Variants in PSD3 observed in about 807,000 individuals in gnomAD.
PSD3 encodes the protein PH and SEC7 domain-containing protein 3.
A neutral mutation model predicts 105.5 loss-of-function variants in PSD3; 49 were observed. That is an observed-to-expected ratio of 0.46 (90% CI 0.37 to 0.59). The LOEUF (loss-of-function observed/expected upper bound fraction) is 0.59. PSD3 is among the 20% of genes least tolerant of loss of function. PSD3 has a pLI of 0.00. For synonymous variants in PSD3, 557 were observed against 457.8 expected (o/e 1.22, Z -2.77); for missense variants, 1,561 against 1,263.8 (o/e 1.24, Z -3.57).
At chr8:18,798,094 T>C (rs1324944862) in intron 8 of PSD3, among the ~76,000 whole-genome samples, 1 of 152,184 alleles carries the variant, frequency 6.6e-6, no homozygotes, top group Non-Finnish European at 1.5e-5. Flanking sequence ...TTTAACAAGC[T>C]GGATGAACAT....
At chr8:18,821,321 G>C (rs78116165) in intron 4 of PSD3, among the ~76,000 whole-genome samples, 1,609 of 151,990 alleles carry the variant, frequency 0.011, 6 homozygotes, top group Non-Finnish European at 0.018. Flanking sequence ...TATTTTGTAA[G>C]CACTGCTATT....
chr8:18,602,992 G>A lies in PSD3; in HGVS notation c.2411-2558C>T, dbSNP rs150176087. Among the ~76,000 whole-genome samples, 42 of 152,344 alleles carry A rather than the reference G, an allele frequency of 2.8e-4. No homozygotes were observed. The East Asian group carries it at 7.1e-3, about 26-fold the overall frequency. On this transcript the variant is annotated intron_variant, in intron 11 of 15. Transcript: ENST00000327040. ...CACATAATGAACTTGATGAGAGGAAGAGTGAAAAGATTACTGACAGGAAAC... is the reference window on the plus strand; with the variant it reads ...CACATAATGAACTTGATGAGAGGAAAAGTGAAAAGATTACTGACAGGAAAC...
chr8:18,636,237 G>T (rs923255899), intron 10 of PSD3, among the ~76,000 whole-genome samples: 1 of 151,830 alleles, frequency 6.6e-6, no homozygotes, highest in African/African-American at 2.4e-5. Context: ...AAACTCTTAG[G>T]CTATAAAGTC....
chr8:19,063,433 G>C (rs1430758014), intron 1 of PSD3, among the ~76,000 whole-genome samples: 1 of 152,172 alleles, frequency 6.6e-6, no homozygotes, highest in African/African-American at 2.4e-5. Context: ...TGGTGGCTCA[G>C]GCTAAATCTA....
chr8:18,611,267 AAG>A (rs1227399709), intron 11 of PSD3, among the ~76,000 whole-genome samples: 2 of 147,828 alleles, frequency 1.4e-5, no homozygotes, highest in African/African-American at 5.0e-5. Context: ...AAAAAAAAAA[AAG>A]GTTTTTCTTT....
upstream of PSD3, among the ~76,000 whole-genome samples, chr8:19,016,051 A>ACG (rs1300853231): frequency 6.6e-6 from 1 of 152,246 alleles, no homozygotes; most frequent in African/African-American, 2.4e-5. Context: ...CCTAAAGCAA[A>ACG]TCAAATAAAC....
upstream of PSD3, among the ~76,000 whole-genome samples, chr8:19,016,666 G>T (rs1827187808): frequency 6.6e-6 from 1 of 152,146 alleles, no homozygotes; most frequent in Admixed American, 6.5e-5. Context: ...GTTTTCTGCT[G>T]CTATAAGAGA....
intron 9 of PSD3, among the ~76,000 whole-genome samples, chr8:18,732,515 G>A (rs1803836591): frequency 6.6e-6 from 1 of 152,240 alleles, no homozygotes; most frequent in Non-Finnish European, 1.5e-5. Context: ...ACCTGGGGCT[G>A]GAGGATCCAA....
At chr8:18,949,578 T>C (rs958031741) in intron 1 of PSD3, among the ~76,000 whole-genome samples, 8 of 152,046 alleles carry the variant, frequency 5.3e-5, no homozygotes, top group Non-Finnish European at 1.2e-4. Flanking sequence ...ATGAGCTTCA[T>C]ATCACAAAGA....
chr8:18,840,112 G>T (rs1224988792), intron 4 of PSD3, among the ~76,000 whole-genome samples: 3 of 152,140 alleles, frequency 2.0e-5, no homozygotes, highest in Non-Finnish European at 2.9e-5. Flanking sequence ...TAGGTCTTGA[G>T]CAAAATCACT....
intron 1 of PSD3, among the ~76,000 whole-genome samples, chr8:18,990,980 C>T (rs1825759495): frequency 6.6e-6 from 1 of 152,002 alleles, no homozygotes; most frequent in African/African-American, 2.4e-5. Context: ...TCCTATTAAC[C>T]CAGATAAATT....
intron 9 of PSD3, among the ~76,000 whole-genome samples, chr8:18,671,499 ACTTT>A (rs1359924880): frequency 6.6e-6 from 1 of 152,164 alleles, no homozygotes; most frequent in Non-Finnish European, 1.5e-5. Context: ...TGAGTGAATC[ACTTT>A]CTTTCTTATA....
intron 2 of PSD3, among the ~76,000 whole-genome samples, chr8:18,906,955 G>C (rs1819889078): frequency 6.6e-6 from 1 of 152,038 alleles, no homozygotes; most frequent in Admixed American, 6.6e-5. Flanking sequence ...TCAACAGAAA[G>C]CTTAAAAAGA....
chr8:18,907,861 C>CT (rs1302130068), intron 2 of PSD3, among the ~76,000 whole-genome samples: 1 of 152,104 alleles, frequency 6.6e-6, no homozygotes, highest in Non-Finnish European at 1.5e-5. Context: ...TTCATTTAAA[C>CT]TTTTTTCAAT....
chr8:18,781,802 T>C (rs1287311807), intron 8 of PSD3, among the ~76,000 whole-genome samples: 1 of 152,202 alleles, frequency 6.6e-6, no homozygotes, highest in South Asian at 2.1e-4. Context: ...TTCTATGCCA[T>C]TACCCATCTG....
chr8:18,808,384 G>T (rs1023159430), intron 4 of PSD3, among the ~76,000 whole-genome samples: 2 of 152,100 alleles, frequency 1.3e-5, no homozygotes, highest in African/African-American at 4.8e-5. Context: ...GCCCAATTTT[G>T]TTCAAATACA....
chr8:18,919,744 G>A (rs1044644361), intron 2 of PSD3, among the ~76,000 whole-genome samples: 12 of 150,312 alleles, frequency 8.0e-5, no homozygotes, highest in East Asian at 4.0e-4. Flanking sequence ...GTAAACTATC[G>A]CAATAATAAA....
At chr8:18,885,603 T>A (rs1563384507) in intron 2 of PSD3, among the ~76,000 whole-genome samples, 1 of 152,188 alleles carries the variant, frequency 6.6e-6, no homozygotes, top group Non-Finnish European at 1.5e-5. Flanking sequence ...ACACGCCACC[T>A]CACTCAGCCT....
At chr8:18,631,266 T>C (rs1806874946) in intron 11 of PSD3, among the ~76,000 whole-genome samples, 1 of 151,972 alleles carries the variant, frequency 6.6e-6, no homozygotes, top group African/African-American at 2.4e-5. Flanking sequence ...TGGGTATCTA[T>C]TGCTTTGTGT....
Sources: allele counts gnomAD v4.1 joint callset (sites outside exome capture counted in the v4.1 genomes callset), GRCh38; gene constraint gnomAD v4.1.1; transcripts MANE v1.5; gene names NCBI Gene and HGNC (gene_info 2026-07-23, HGNC 2026-07-21).